Variants in VMA12 observed in about 807,000 individuals in gnomAD.
VMA12 encodes the protein vacuolar ATPase assembly factor VMA12.
At chr17:28,361,514 C>T in the VMA12 span, 13 of 446,966 alleles carry the variant, frequency 2.9e-5, no homozygotes, top group South Asian at 2.6e-4. Context: ...GAATCTGGTA[C>T]CCATCTGCCT....
chr17:28,358,873 T>G, the VMA12 span: 4 of 1,548,694 alleles, frequency 2.6e-6, no homozygotes, highest in Non-Finnish European at 2.6e-6. Context: ...CCCTTCAACC[T>G]CAGCTCGTGG....
chr17:28,361,054 A>C, the VMA12 span: 1 of 1,170,180 alleles, frequency 8.5e-7, no homozygotes, highest in Non-Finnish European at 1.3e-6. Flanking sequence ...CCCTCCCCCA[A>C]CTTAGAGGGT....
At chr17:28,358,991 T>A in the VMA12 span, 2 of 1,609,540 alleles carry the variant, frequency 1.2e-6, no homozygotes. Flanking sequence ...CCTCCACGGG[T>A]ATGTAAGGGA....
the VMA12 span, chr17:28,358,912 T>C: frequency 6.2e-7 from 1 of 1,606,094 alleles, no homozygotes; most frequent in Non-Finnish European, 8.5e-7. Flanking sequence ...CCTTTTCTTC[T>C]CAGATTCCAA....
the VMA12 span, chr17:28,363,442 G>A: frequency 6.6e-6 from 1 of 152,110 alleles, no homozygotes; most frequent in Non-Finnish European, 1.5e-5. Flanking sequence ...ATTAGGTGAT[G>A]GAGATAAATT....
the VMA12 span, among the ~76,000 whole-genome samples, chr17:28,358,662 T>G: frequency 6.6e-6 from 1 of 152,196 alleles, no homozygotes; most frequent in Non-Finnish European, 1.5e-5. Context: ...AAGGCACAAG[T>G]AAATGGCTTA....
At chr17:28,357,748 A>G in the VMA12 span, 6 of 1,613,240 alleles carry the variant, frequency 3.7e-6, no homozygotes, top group Non-Finnish European at 5.1e-6. Context: ...CAGAGCGGCT[A>G]CCCCGAAAGC....
chr17:28,361,348 C>G, the VMA12 span: 3 of 1,206,362 alleles, frequency 2.5e-6, no homozygotes, highest in Non-Finnish European at 3.6e-6. Flanking sequence ...TTTTTGTATT[C>G]AGCTCCAGTT....
At chr17:28,357,778 C>G in the VMA12 span, 1 of 1,613,776 alleles carries the variant, frequency 6.2e-7, no homozygotes, top group Non-Finnish European at 8.5e-7. Context: ...AGCTTGAGGC[C>G]GCGCTGGGGA....
At chr17:28,358,534 C>T in the VMA12 span, 14 of 476,680 alleles carry the variant, frequency 2.9e-5, no homozygotes, top group Middle Eastern at 6.4e-4. Context: ...ATTATTAGAA[C>T]TAGAAAGGAC....
chr17:28,359,639 T>C, the VMA12 span: 1 of 319,902 alleles, frequency 3.1e-6, no homozygotes, highest in Non-Finnish European at 5.9e-6. Flanking sequence ...GGCACGGCGC[T>C]CATGCCTGTA....
At chr17:28,358,804 G>T in the VMA12 span, 2 of 795,368 alleles carry the variant, frequency 2.5e-6, no homozygotes, top group African/African-American at 3.5e-5. Flanking sequence ...ATGGATTAAT[G>T]TAGAGATGGC....
the VMA12 span, chr17:28,358,007 A>T: frequency 2.0e-6 from 2 of 1,003,020 alleles, no homozygotes; most frequent in Non-Finnish European, 2.9e-6. Flanking sequence ...GTCACTCCAT[A>T]AATCCCAGGG....
chr17:28,359,413 A>T, the VMA12 span: 8 of 1,613,672 alleles, frequency 5.0e-6, no homozygotes, highest in African/African-American at 1.1e-4. Flanking sequence ...AGGTAAGGAC[A>T]TGCTCTTCAG....
chr17:28,361,464 A>G, the VMA12 span: 1 of 553,882 alleles, frequency 1.8e-6, no homozygotes, highest in Non-Finnish European at 3.2e-6. Flanking sequence ...ACATCTTTAA[A>G]ACAGAAAGAA....
chr17:28,358,585 T>TA, the VMA12 span: 1 of 484,770 alleles, frequency 2.1e-6, no homozygotes, highest in African/African-American at 2.0e-5. Flanking sequence ...CTCTGAGCAT[T>TA]TAGCATCACT....
the VMA12 span, chr17:28,360,581 T>G: frequency 6.2e-7 from 1 of 1,614,174 alleles, no homozygotes; most frequent in Non-Finnish European, 8.5e-7. Flanking sequence ...GGTGAGGTAC[T>G]AGGAGATCAG....
At chr17:28,360,812 C>G in the VMA12 span, 7,690 of 1,613,964 alleles carry the variant, frequency 4.8e-3, 336 homozygotes, top group African/African-American at 0.091. Context: ...CTGCACTTAC[C>G]TTGGAAGCCA....
chr17:28,357,737 C>T, the VMA12 span: 19 of 1,613,340 alleles, frequency 1.2e-5, no homozygotes, highest in African/African-American at 4.0e-5. Context: ...GGAGCTGGAG[C>T]CAGAGCGGCT....
Sources: allele counts gnomAD v4.1 joint callset (sites outside exome capture counted in the v4.1 genomes callset), GRCh38; gene constraint gnomAD v4.1.1; transcripts MANE v1.5; gene names NCBI Gene and HGNC (gene_info 2026-07-23, HGNC 2026-07-21).